PXDNL: variants seen among roughly 807,000 people sequenced by gnomAD.
PXDNL encodes probable oxidoreductase PXDNL.
In PXDNL, 145 loss-of-function variants were observed where a neutral mutation model predicts 150.8. That is an observed-to-expected ratio of 0.96 (90% CI 0.84 to 1.10). The LOEUF is 1.10. PXDNL is among the 50% of genes least tolerant of loss of function. The probability of loss-of-function intolerance (pLI) is 0.00; values close to 1 mark genes in which losing one functional copy is unlikely to be tolerated. For missense variants in PXDNL, 2,087 were observed against 1,873.9 expected, an observed-to-expected ratio of 1.11 and a Z score of -2.10; for synonymous variants, 757 against 725.7, an observed-to-expected ratio of 1.04 and a Z score of -0.69.
At chr8:51,741,647 G>A (rs2036907750) in intron 1 of PXDNL, among the ~76,000 whole-genome samples, 1 of 152,128 alleles carries the variant, frequency 6.6e-6, no homozygotes, top group African/African-American at 2.4e-5. Context: ...AGACATATAG[G>A]TCAATGAAAC....
rs982212534 is a variant in PXDNL, at chr8:51,404,422, C to T, written c.3557+3645G>A. Among the ~76,000 whole-genome samples the T allele has an allele frequency of 1.5e-4, 22 of 146,946 alleles. 1 individual carries two copies. Among genetic ancestry groups the T allele is most frequent in the African/African-American group, 5.2e-4 (19 of 36,592 alleles). The stretch of plus-strand genomic sequence containing the variant: ...TCCTGATTGGTGCATTTATAATCCC[C>T]TAGCTAGACATAAAAGTTCTCCAAG... On this transcript the variant is annotated intron_variant, in intron 17 of 22. Transcript: ENST00000356297.
rs1023995623 is a variant in PXDNL at position 51,331,192 on chromosome 8, C to T, written c.4146+8432G>A. Among the ~76,000 whole-genome samples the T allele has an allele frequency of 6.6e-5, 10 of 152,142 alleles. No homozygotes were observed. In the East Asian group the frequency reaches 1.2e-3, roughly 18 times the overall value. ...GTGGGAAAAGGAAACCCTCCTTTCCCGGACACACACCCCCACTGGAGAAGC... is the reference window on the plus strand; with the variant it reads ...GTGGGAAAAGGAAACCCTCCTTTCCTGGACACACACCCCCACTGGAGAAGC... On this transcript the variant is annotated intron_variant, in intron 21 of 22. Coordinates refer to ENST00000356297, the MANE Select transcript of PXDNL (RefSeq NM_144651.5).
At chr8:51,552,513 G>A (rs989028271) in intron 4 of PXDNL, among the ~76,000 whole-genome samples, 1 of 152,144 alleles carries the variant, frequency 6.6e-6, no homozygotes, top group African/African-American at 2.4e-5. Flanking sequence ...AAAAATGAAT[G>A]AAATAATGGC....
intron 8 of PXDNL, among the ~76,000 whole-genome samples, chr8:51,460,623 C>A (rs964302620): frequency 2.0e-5 from 3 of 151,412 alleles, no homozygotes; most frequent in Non-Finnish European, 4.4e-5. Flanking sequence ...GTGCCAAGAC[C>A]CGTTCCTAGT....
Position 51,809,422 on chromosome 8 carries a change from G to T in PXDNL, c.-78C>A. ...CTGCAGCTGCAGCAGCAACCGCAGT[G>T]GTGGTGATGGTGGCTGCTGGACTGA... On this transcript the variant is annotated 5_prime_UTR_variant, in exon 1 of 23. Transcript: ENST00000356297. 7.3e-7 allele frequency: 1 copy of T among 1,373,438 alleles called. No individual in the cohort carries two copies. Among genetic ancestry groups the T allele is most frequent in the South Asian group, 1.5e-5 (1 of 67,042 alleles). The allele number at this position is 1,373,438 out of a possible 1,614,324, so 85.1% of individuals were successfully genotyped here. A position where few individuals can be genotyped will look rare whatever the true frequency, so the allele number is the denominator to read the frequency against.
At chr8:51,627,378 G>A (rs1814383087) in intron 2 of PXDNL, among the ~76,000 whole-genome samples, 1 of 152,134 alleles carries the variant, frequency 6.6e-6, no homozygotes, top group South Asian at 2.1e-4. Context: ...CCAATTTACT[G>A]AAAATTTTAA....
chr8:51,474,561 G>T (rs1219846750), intron 7 of PXDNL, among the ~76,000 whole-genome samples: 1 of 152,036 alleles, frequency 6.6e-6, no homozygotes, highest in Admixed American at 6.6e-5. Context: ...TTTGTTGAGG[G>T]CTTTCTCAGC....
chr8:51,397,904 C>G (rs570186046), intron 17 of PXDNL, among the ~76,000 whole-genome samples: 95 of 152,214 alleles, frequency 6.2e-4, no homozygotes, highest in Non-Finnish European at 8.7e-4. Flanking sequence ...ATCCCTCCCC[C>G]CTCCACCCAC....
At chr8:51,704,790 T>C (rs1240206032) in intron 1 of PXDNL, among the ~76,000 whole-genome samples, 1 of 152,222 alleles carries the variant, frequency 6.6e-6, no homozygotes, top group Non-Finnish European at 1.5e-5. Context: ...TTACATAAAA[T>C]GCCTTTTGTA....
At chr8:51,660,467 A>G (rs1458241169) in intron 1 of PXDNL, among the ~76,000 whole-genome samples, 2 of 152,210 alleles carry the variant, frequency 1.3e-5, no homozygotes, top group African/African-American at 4.8e-5. Flanking sequence ...TAAGAATCTC[A>G]TGCTCAGAGA....
At chr8:51,335,680 C>A (rs1003261766) in intron 21 of PXDNL, among the ~76,000 whole-genome samples, 1 of 135,526 alleles carries the variant, frequency 7.4e-6, no homozygotes, top group Non-Finnish European at 1.5e-5. Context: ...CATTATATAC[C>A]CTACACACAC....
intron 1 of PXDNL, among the ~76,000 whole-genome samples, chr8:51,737,671 C>T (rs930966769): frequency 6.6e-6 from 1 of 152,198 alleles, no homozygotes; most frequent in Non-Finnish European, 1.5e-5. Flanking sequence ...GTTCTCCATC[C>T]TGCCTGCTCC....
chr8:51,354,572 T>A (rs1434531264), intron 19 of PXDNL, among the ~76,000 whole-genome samples: 2 of 152,100 alleles, frequency 1.3e-5, no homozygotes, highest in Non-Finnish European at 2.9e-5. Flanking sequence ...TTCTCATGTT[T>A]ACTAAAAGGC....
chr8:51,523,029 C>A (rs1811694603), intron 4 of PXDNL, among the ~76,000 whole-genome samples: 1 of 151,910 alleles, frequency 6.6e-6, no homozygotes, highest in African/African-American at 2.4e-5. Context: ...TCAAGCTTCA[C>A]CAAAAGAGAA....
intron 4 of PXDNL, among the ~76,000 whole-genome samples, chr8:51,528,428 C>T (rs1278216365): frequency 6.6e-6 from 1 of 152,110 alleles, no homozygotes; most frequent in Non-Finnish European, 1.5e-5. Flanking sequence ...AATTATAGCA[C>T]ATTCATATAG....
intron 21 of PXDNL, 143 bp downstream of exon 21, chr8:51,339,481 A>G (rs1228492744): frequency 1.2e-6 from 1 of 822,102 alleles, no homozygotes; most frequent in African/African-American, 1.8e-5. Context: ...AGTAAAAACA[A>G]AAAAAAAGCA....
intron 2 of PXDNL, 112 bp downstream of exon 2, chr8:51,654,577 G>T: frequency 2.6e-6 from 2 of 759,194 alleles, no homozygotes; most frequent in East Asian, 2.6e-5. Context: ...ACATCTACAA[G>T]GTGTCATTCT....
At chr8:51,453,391 T>C (rs759204039) in intron 10 of PXDNL, 128 bp downstream of exon 10, 4 of 1,025,416 alleles carry the variant, frequency 3.9e-6, no homozygotes, top group African/African-American at 3.2e-5. Context: ...GAAAATCTTA[T>C]TGTGTCAAAA....
intron 17 of PXDNL, among the ~76,000 whole-genome samples, chr8:51,392,215 G>A (rs953092979): frequency 2.0e-5 from 3 of 152,130 alleles, no homozygotes; most frequent in Non-Finnish European, 2.9e-5. Flanking sequence ...TTGACTTGGT[G>A]ATGTGGGCTC....
Sources: gnomAD v4.1 joint callset for allele counts (sites outside exome capture counted in the v4.1 genomes callset) on GRCh38, gnomAD v4.1.1 for gene constraint, MANE v1.5 for transcripts, NCBI Gene and HGNC (gene_info 2026-07-23, HGNC 2026-07-21) for gene names.